Variants in RNF220 observed in about 807,000 individuals in gnomAD.
RNF220 encodes the protein E3 ubiquitin-protein ligase RNF220.
In RNF220, 7 loss-of-function variants were observed where a neutral mutation model predicts 67.1. The ratio of observed to expected loss-of-function variants is 0.10; its 90% confidence interval spans 0.06 to 0.20. The LOEUF is 0.20. Among genes scored for constraint, RNF220 ranks in the 10% least tolerant of loss-of-function variants. The pLI is 1.00. For missense variants in RNF220, 565 were observed against 740.3 expected, an observed-to-expected ratio of 0.76 and a Z score of 2.75; for synonymous variants, 270 against 283.2, an observed-to-expected ratio of 0.95 and a Z score of 0.47.
At chr1:44,630,188 T>C (rs890658238) in intron 5 of RNF220, among the ~76,000 whole-genome samples, 4 of 152,254 alleles carry the variant, frequency 2.6e-5, no homozygotes, top group African/African-American at 4.8e-5. Flanking sequence ...TCCTCCTGCA[T>C]TGGCTTTCCA....
At chr1:44,582,930 C>T (rs1224483053) in intron 2 of RNF220, among the ~76,000 whole-genome samples, 2 of 151,990 alleles carry the variant, frequency 1.3e-5, no homozygotes, top group Admixed American at 1.3e-4. Flanking sequence ...CGCTTGAACC[C>T]GGGAGGTGGA....
intron 2 of RNF220, among the ~76,000 whole-genome samples, chr1:44,444,552 G>C (rs1557932160): frequency 6.6e-6 from 1 of 151,540 alleles, no homozygotes; most frequent in East Asian, 1.9e-4. Flanking sequence ...GCGATCCTTT[G>C]TCCTCAGCCT....
Position 44,602,164 on chromosome 1 carries a change from A to C in RNF220, c.626-12001A>C, listed in dbSNP as rs140204402. 3.3e-3 allele frequency among the ~76,000 whole-genome samples: 509 copies of C among 152,260 alleles called. 1 individual carries two copies. The highest frequency in any genetic ancestry group is 0.012 in the African/African-American group (495 of 41,534). On this transcript the variant is annotated intron_variant, in intron 2 of 14. Transcript: ENST00000361799. ...GAAGTCAAGAACAGGAAAAAAAATAATAGGAGCTGAGGAGGTCAGGACAGT... is the reference window on the plus strand; with the variant it reads ...GAAGTCAAGAACAGGAAAAAAAATACTAGGAGCTGAGGAGGTCAGGACAGT...
intron 2 of RNF220, among the ~76,000 whole-genome samples, chr1:44,414,399 A>G (rs935312166): frequency 6.6e-6 from 1 of 152,234 alleles, no homozygotes; most frequent in African/African-American, 2.4e-5. Flanking sequence ...GCCACAAAGT[A>G]ACATCTGGAG....
chr1:44,617,049 C>A (rs1414615381), intron 3 of RNF220, among the ~76,000 whole-genome samples: 1 of 152,214 alleles, frequency 6.6e-6, no homozygotes, highest in Non-Finnish European at 1.5e-5. Context: ...GTCTTGCGTC[C>A]CTGCATCTGT....
intron 2 of RNF220, among the ~76,000 whole-genome samples, chr1:44,527,068 A>G (rs892750736): frequency 7.2e-5 from 11 of 152,008 alleles, no homozygotes; most frequent in African/African-American, 1.9e-4. Context: ...TGAGCTCATC[A>G]TGCCTGTAGT....
At chr1:44,521,846 G>GCT (rs1218950223) in intron 2 of RNF220, among the ~76,000 whole-genome samples, 1 of 152,058 alleles carries the variant, frequency 6.6e-6, no homozygotes, top group East Asian at 1.9e-4. Flanking sequence ...CATGTAATAG[G>GCT]CTCTCAATTG....
In RNF220 at chr1:44,650,615, T is replaced by G; in HGVS notation, c.1630-89T>G. ...GGACCAAGGTCTCAGCACACACTGG[T>G]GCAGAGAGACATGGCTGCAGGCCCA... On this transcript the variant is annotated intron_variant, in intron 14 of 14. Transcript: ENST00000361799. This position sits in a 1 kb window ranked among gnomAD's most constrained non-coding sequence, Gnocchi z 4.3. 1 of 1,404,556 alleles carries G rather than the reference T, an allele frequency of 7.1e-7. No individual in the cohort carries two copies. The highest frequency in any genetic ancestry group is 1.0e-6 in the Non-Finnish European group (1 of 997,008). The allele number at this position is 1,404,556 out of a possible 1,614,324, so 87.0% of individuals were successfully genotyped here.
chr1:44,451,789 T>G (rs1180688872), intron 2 of RNF220, among the ~76,000 whole-genome samples: 1 of 152,046 alleles, frequency 6.6e-6, no homozygotes, highest in Non-Finnish European at 1.5e-5. Context: ...CTCAGCGAAT[T>G]TTTGTATTTT....
intron 2 of RNF220, among the ~76,000 whole-genome samples, chr1:44,415,071 C>T (rs1243444184): frequency 3.4e-5 from 5 of 147,654 alleles, no homozygotes; most frequent in African/African-American, 5.0e-5. Flanking sequence ...TACTAGATAG[C>T]GTTTGTGCTT....
chr1:44,579,927 G>A (rs1399687775), intron 2 of RNF220, among the ~76,000 whole-genome samples: 1 of 150,856 alleles, frequency 6.6e-6, no homozygotes, highest in African/African-American at 2.4e-5. Flanking sequence ...GCTACTGGGA[G>A]GCTAAGGTGA....
chr1:44,515,578 T>C (rs1361195458), intron 2 of RNF220, among the ~76,000 whole-genome samples: 2 of 152,232 alleles, frequency 1.3e-5, no homozygotes, highest in African/African-American at 4.8e-5. Flanking sequence ...GGTATCATGC[T>C]GAGTCAAAGC....
chr1:44,563,986 A>G (rs1376273919), intron 2 of RNF220, among the ~76,000 whole-genome samples: 2 of 152,116 alleles, frequency 1.3e-5, no homozygotes, highest in Non-Finnish European at 2.9e-5. Flanking sequence ...AATTCAATTC[A>G]ACATTTATTA....
intron 2 of RNF220, among the ~76,000 whole-genome samples, chr1:44,593,217 G>A (rs138332456): frequency 3.6e-4 from 55 of 152,318 alleles, no homozygotes; most frequent in African/African-American, 1.2e-3. Context: ...CCCGCAGAGG[G>A]CAGCAAGAGA....
chr1:44,450,473 A>C (rs1652557510), intron 2 of RNF220, among the ~76,000 whole-genome samples: 1 of 152,258 alleles, frequency 6.6e-6, no homozygotes, highest in Non-Finnish European at 1.5e-5. Context: ...TTTACTGTTT[A>C]ATAGGTACCC....
chr1:44,522,270 G>A (rs968675579), intron 2 of RNF220, among the ~76,000 whole-genome samples: 1 of 152,134 alleles, frequency 6.6e-6, no homozygotes, highest in Non-Finnish European at 1.5e-5. Context: ...CACTGAATTG[G>A]ACAAATCGCT....
intron 2 of RNF220, among the ~76,000 whole-genome samples, chr1:44,508,351 C>T (rs968500457): frequency 6.6e-6 from 1 of 152,040 alleles, no homozygotes; most frequent in African/African-American, 2.4e-5. Flanking sequence ...ATGGGCGAGT[C>T]GTGTGGGGTC....
chr1:44,489,033 A>G (rs1242043453), intron 2 of RNF220, among the ~76,000 whole-genome samples: 1 of 151,966 alleles, frequency 6.6e-6, no homozygotes, highest in African/African-American at 2.4e-5. Context: ...TCCTGGCTCT[A>G]TTCTATTGTA....
chr1:44,493,055 G>C (rs1288782663), intron 2 of RNF220, among the ~76,000 whole-genome samples: 1 of 151,964 alleles, frequency 6.6e-6, no homozygotes, highest in Non-Finnish European at 1.5e-5. Context: ...ACCTTGCCTG[G>C]CTATCCAAAA....
Sources: gnomAD v4.1 joint callset for allele counts (sites outside exome capture counted in the v4.1 genomes callset) on GRCh38, gnomAD v4.1.1 for gene constraint, Gnocchi (gnomAD v3.1) non-coding constraint, MANE v1.5 for transcripts, NCBI Gene and HGNC (gene_info 2026-07-23, HGNC 2026-07-21) for gene names.